DGKI: variants seen among roughly 807,000 people sequenced by gnomAD.
DGKI encodes the protein diacylglycerol kinase iota, also known as DAG kinase iota.
In DGKI, 55 loss-of-function variants were observed where a neutral mutation model predicts 147.5. The ratio of observed to expected loss-of-function variants is 0.37; its 90% CI spans 0.30 to 0.47. The LOEUF is 0.47. Among genes scored for constraint, DGKI ranks in the 20% least tolerant of loss-of-function variants. The pLI is 1.00. For synonymous variants in DGKI, 469 were observed against 477.1 expected (o/e 0.98, Z 0.22); for missense variants, 1,007 against 1,323.8 (o/e 0.76, Z 3.71).
rs2128889615 is a variant in DGKI, at chr7:137,383,315, T to C, written c.*7905A>G. 6.6e-6 allele frequency: 1 copy of C among 151,886 alleles called. No individual in the cohort carries two copies. The highest frequency in any genetic ancestry group is 2.1e-4 in the South Asian group (1 of 4,806). The allele number at this position is 151,886 out of a possible 1,614,324, so 9.4% of individuals were successfully genotyped here. Reference sequence around the variant, plus strand: ...CCAAATCTCCTAAAAAAGATATGTTTCTACTAAAGCATAGGTGTGTTTGTG... The same window carrying C: ...CCAAATCTCCTAAAAAAGATATGTTCCTACTAAAGCATAGGTGTGTTTGTG... On this transcript the variant is annotated 3_prime_UTR_variant, in exon 33 of 33. Transcript: ENST00000614521.
At chr7:137,432,661 A>G (rs1202455718) in intron 28 of DGKI, among the ~76,000 whole-genome samples, 6 of 152,212 alleles carry the variant, frequency 3.9e-5, no homozygotes, top group Non-Finnish European at 8.8e-5. Flanking sequence ...CCTCATGGCT[A>G]ATATGGAATA....
At chr7:137,424,875 A>T (rs1375339640) in intron 28 of DGKI, among the ~76,000 whole-genome samples, 4 of 152,244 alleles carry the variant, frequency 2.6e-5, no homozygotes, top group Admixed American at 6.5e-5. Flanking sequence ...TAGGTAAACA[A>T]AGCAGCCAGG....
rs767787803 is a variant in DGKI at position 137,487,675 on chromosome 7, T to C, written c.2263A>G (p.Ile755Val). The change falls in exon 22 of 33, where the codon ATT becomes GTT. Residue 755 changes from isoleucine (I) to valine (V), a missense_variant. This residue lies in a region of DGKI where 385 missense variants were observed against 445.2 expected (regional missense o/e 0.86). Transcript: ENST00000614521. ...TCACAGTCTCCACGCACAACTAGAATACCCAGAGGTATCGCTAAGGGTGAA... is the reference window on the plus strand; with the variant it reads ...TCACAGTCTCCACGCACAACTAGAACACCCAGAGGTATCGCTAAGGGTGAA... ...KLREASIPLGILVVRGDCDLE... is the reference protein window; with the variant it reads ...KLREASIPLGVLVVRGDCDLE... 7 of 1,613,536 alleles carry C rather than the reference T, an allele frequency of 4.3e-6. No individual in the cohort carries two copies. The African/African-American group carries it at 5.3e-5, about 12-fold the overall frequency.
At chr7:137,400,671 T>G (rs1811720190) in intron 30 of DGKI, among the ~76,000 whole-genome samples, 1 of 152,136 alleles carries the variant, frequency 6.6e-6, no homozygotes, top group South Asian at 2.1e-4. Flanking sequence ...CTCCACGCCC[T>G]TTCATCCTCT....
chr7:137,409,880 C>G (rs1035065645), intron 29 of DGKI, among the ~76,000 whole-genome samples: 1 of 151,766 alleles, frequency 6.6e-6, no homozygotes, highest in Non-Finnish European at 1.5e-5. Context: ...ATCTCTCGCT[C>G]TCTTTGTCTC....
chr7:137,844,852 C>T (rs1052562293), intron 1 of DGKI, among the ~76,000 whole-genome samples: 48 of 152,260 alleles, frequency 3.2e-4, no homozygotes, highest in African/African-American at 1.1e-3. Context: ...TGATGAATAC[C>T]AATAAGCCAG....
intron 3 of DGKI, among the ~76,000 whole-genome samples, chr7:137,666,862 A>G (rs1043070840): frequency 6.6e-6 from 1 of 152,120 alleles, no homozygotes; most frequent in Non-Finnish European, 1.5e-5. Flanking sequence ...ACCCAAGGAC[A>G]CTTCATATTT....
chr7:137,466,558 G>A (rs145690290), intron 25 of DGKI, among the ~76,000 whole-genome samples: 321 of 152,202 alleles, frequency 2.1e-3, no homozygotes, highest in Non-Finnish European at 3.6e-3. Flanking sequence ...TACACCTGGG[G>A]CCTCAAACTT....
chr7:137,654,627 G>T, intron 5 of DGKI, 105 bp downstream of exon 5: 1 of 865,884 alleles, frequency 1.2e-6, no homozygotes, highest in East Asian at 2.5e-5. Flanking sequence ...GCATGCAACA[G>T]AAAGAGATAG....
At chr7:137,806,096 C>T (rs768869984) in intron 1 of DGKI, among the ~76,000 whole-genome samples, 2 of 152,242 alleles carry the variant, frequency 1.3e-5, no homozygotes, top group Non-Finnish European at 2.9e-5. Flanking sequence ...TTTCCACTCA[C>T]CGTGCCCATC....
At chr7:137,670,605 T>C (rs1049600627) in intron 3 of DGKI, among the ~76,000 whole-genome samples, 5 of 152,336 alleles carry the variant, frequency 3.3e-5, no homozygotes, top group African/African-American at 1.2e-4. Flanking sequence ...TGAAAATTCT[T>C]TTCTTATTTT....
At chr7:137,713,715 C>T (rs1794284985) in intron 1 of DGKI, among the ~76,000 whole-genome samples, 1 of 152,118 alleles carries the variant, frequency 6.6e-6, no homozygotes, top group Admixed American at 6.5e-5. Context: ...AATCATAGCT[C>T]ACTGCAGCCT....
At chr7:137,551,772 G>A (rs934140771) in intron 20 of DGKI, among the ~76,000 whole-genome samples, 1 of 152,192 alleles carries the variant, frequency 6.6e-6, no homozygotes, top group Non-Finnish European at 1.5e-5. Context: ...GTGTTCAGGG[G>A]TAGAAAGAGT....
At position 137,389,911 on chromosome 7, in the gene DGKI, T is replaced by C. The variant is rs1381701432; in HGVS notation, c.*1309A>G. The C allele has an allele frequency of 1.3e-5, 2 of 152,212 alleles. No homozygotes were observed. The highest frequency in any genetic ancestry group is 2.9e-5 in the Non-Finnish European group (2 of 68,024). The allele number at this position is 152,212 out of a possible 1,614,324, so 9.4% of individuals were successfully genotyped here. On this transcript the variant is annotated 3_prime_UTR_variant, in exon 33 of 33. Coordinates refer to ENST00000614521, the MANE Select transcript of DGKI (RefSeq NM_001321708.2). ...AAATGGGGTTATTAAGTACGACCTT[T>C]GGACCTGACAAATAATAGTTGAAGC...
At chr7:137,405,982 G>A (rs1201308756) in intron 30 of DGKI, among the ~76,000 whole-genome samples, 1 of 152,118 alleles carries the variant, frequency 6.6e-6, no homozygotes, top group East Asian at 1.9e-4. Context: ...CAGGAAAGGT[G>A]AAAAGATGGG....
In DGKI at chr7:137,581,839, G is replaced by T. The variant is rs549616929; in HGVS notation, c.1642+11C>A. The T allele has an allele frequency of 2.5e-6, 4 of 1,608,606 alleles. No homozygotes were observed. Among genetic ancestry groups the T allele is most frequent in the South Asian group, 1.1e-5 (1 of 90,708 alleles). ...CCTCCCTGGGAGATGGAAATGGGAC[G>T]TTGTCCTCACCTCTGGATTCATGGA... On this transcript the variant is annotated intron_variant, in intron 15 of 32. Transcript: ENST00000614521.
At chr7:137,695,844 C>G (rs1359675302) in intron 1 of DGKI, among the ~76,000 whole-genome samples, 7 of 152,162 alleles carry the variant, frequency 4.6e-5, no homozygotes, top group Non-Finnish European at 8.8e-5. Context: ...CACTGGAGTG[C>G]AGAAGTTAAG....
chr7:137,635,592 A>G (rs1465900149), intron 6 of DGKI, among the ~76,000 whole-genome samples: 1 of 152,232 alleles, frequency 6.6e-6, no homozygotes, highest in East Asian at 1.9e-4. Context: ...AGAAGCGGCC[A>G]TGTGACCATG....
At chr7:137,399,494 G>A (rs1811671627) in intron 30 of DGKI, among the ~76,000 whole-genome samples, 1 of 152,096 alleles carries the variant, frequency 6.6e-6, no homozygotes. Flanking sequence ...TCCCTTCTTG[G>A]TTAAAAATCC....
Sources: gnomAD v4.1 joint callset for allele counts (sites outside exome capture counted in the v4.1 genomes callset) on GRCh38, gnomAD v4.1.1 for gene constraint, gnomAD v4.1.1 regional missense constraint, MANE v1.5 for transcripts, NCBI Gene and HGNC (gene_info 2026-07-23, HGNC 2026-07-21) for gene names.